ZC3H12B: variants seen among roughly 807,000 people sequenced by gnomAD.
ZC3H12B encodes the protein probable ribonuclease ZC3H12B.
In ZC3H12B, 7 loss-of-function variants were observed where a neutral mutation model predicts 43.9. The ratio of observed to expected loss-of-function variants is 0.16; its 90% CI spans 0.09 to 0.30. The LOEUF is 0.30. Among genes scored for constraint, ZC3H12B ranks in the 10% least tolerant of loss-of-function variants. The pLI, the probability that ZC3H12B is intolerant of heterozygous loss-of-function variation, is 1.00. For synonymous variants in ZC3H12B, 222 were observed against 241.7 expected, an observed-to-expected ratio of 0.92 and a Z score of 0.76; for missense variants, 475 against 670.2, an observed-to-expected ratio of 0.71 and a Z score of 3.22.
chrX:65,125,030 G>A, the ZC3H12B span, among the ~76,000 whole-genome samples: 1 of 110,181 alleles, frequency 9.1e-6, no homozygotes, highest in Non-Finnish European at 1.9e-5. Flanking sequence ...CTGGCTTTGG[G>A]TTTGGATTTT....
chrX:65,222,772 G>A, the ZC3H12B span, among the ~76,000 whole-genome samples: 1 of 110,300 alleles, frequency 9.1e-6, no homozygotes, highest in Non-Finnish European at 1.9e-5. Context: ...GCTCATGGAT[G>A]GCTAGAATCA....
chrX:65,360,465 AG>A, the ZC3H12B span, among the ~76,000 whole-genome samples: 1 of 112,505 alleles, frequency 8.9e-6, no homozygotes, highest in Non-Finnish European at 1.9e-5. Flanking sequence ...CAGTATCATT[AG>A]CTATTGGGGG....
chrX:65,501,880 C>T, exon 5 of ZC3H12B: 1 of 1,208,311 alleles, frequency 8.3e-7, no homozygotes, highest in Non-Finnish European at 1.1e-6. Context: ...AGCTCCGCAT[C>T]AGTGCCAAAC....
the ZC3H12B span, among the ~76,000 whole-genome samples, chrX:65,099,369 C>T: frequency 4.5e-5 from 5 of 111,754 alleles, no homozygotes; most frequent in Non-Finnish European, 7.5e-5. Context: ...CCACAGTGCT[C>T]AAGCTCTGCT....
the ZC3H12B span, among the ~76,000 whole-genome samples, chrX:65,345,534 G>A: frequency 1.8e-5 from 2 of 111,108 alleles, no homozygotes; most frequent in African/African-American, 3.3e-5. Flanking sequence ...AGACAGTAAG[G>A]CCTACTGGAG....
chrX:65,451,757 C>T (rs1249822467), intron 3 of ZC3H12B, among the ~76,000 whole-genome samples: 4 of 111,883 alleles, frequency 3.6e-5, no homozygotes, highest in Non-Finnish European at 1.9e-5. Flanking sequence ...GAGGGCTTCT[C>T]ACATTTTTAG....
chrX:65,220,517 C>G, the ZC3H12B span, among the ~76,000 whole-genome samples: 1 of 111,719 alleles, frequency 9.0e-6, no homozygotes, highest in African/African-American at 3.2e-5. Context: ...ATATTTTATG[C>G]AAATGGACAC....
the ZC3H12B span, among the ~76,000 whole-genome samples, chrX:65,130,503 C>A: frequency 9.3e-6 from 1 of 107,271 alleles, no homozygotes; most frequent in Non-Finnish European, 2.0e-5. Flanking sequence ...AGGGGCAAAT[C>A]CCTGAGCTTG....
At chrX:65,326,486 G>C in the ZC3H12B span, among the ~76,000 whole-genome samples, 1 of 110,258 alleles carries the variant, frequency 9.1e-6, no homozygotes, top group Non-Finnish European at 1.9e-5. Context: ...AGCAGATAAG[G>C]GGTGACCACA....
intron 3 of ZC3H12B, among the ~76,000 whole-genome samples, chrX:65,414,686 A>G (rs746787740): frequency 2.7e-5 from 3 of 111,270 alleles, no homozygotes; most frequent in Non-Finnish European, 5.6e-5. Flanking sequence ...TCAGAGACCC[A>G]GCAGAGTTGT....
At chrX:65,082,233 C>T in the ZC3H12B span, among the ~76,000 whole-genome samples, 2 of 110,391 alleles carry the variant, frequency 1.8e-5, no homozygotes, top group Admixed American at 1.9e-4. Context: ...AAGTACAAAC[C>T]AAATGCAAAA....
chrX:65,490,728 C>T lies in ZC3H12B; in HGVS notation c.608+1319C>T, dbSNP rs1487603364. ...TGTAATCCAGCCTTGGTTTAAAAAA[C>T]CCCAGTAATCAGGAGCCTTTTTCCT... On this transcript the variant is annotated intron_variant, in intron 1 of 4. Transcript: ENST00000338957. 2.7e-5 allele frequency among the ~76,000 whole-genome samples: 3 copies of T among 111,496 alleles called. No homozygotes were observed. In the East Asian group the frequency reaches 8.4e-4, roughly 31 times the overall value.
At chrX:65,467,626 C>G (rs1014360101) in intron 3 of ZC3H12B, among the ~76,000 whole-genome samples, 1 of 111,862 alleles carries the variant, frequency 8.9e-6, no homozygotes, top group African/African-American at 3.2e-5. Flanking sequence ...TGCTTTTTGA[C>G]TTTAATAATG....
the ZC3H12B span, among the ~76,000 whole-genome samples, chrX:65,211,088 GAAA>G: frequency 4.7e-5 from 3 of 63,382 alleles, no homozygotes; most frequent in Non-Finnish European, 9.2e-5. Context: ...AAAAAAGAAA[GAAA>G]AAAAAAAAAA....
intron 3 of ZC3H12B, among the ~76,000 whole-genome samples, chrX:65,467,228 T>G (rs2067836487): frequency 9.2e-6 from 1 of 108,768 alleles, no homozygotes; most frequent in South Asian, 4.1e-4. Context: ...GAGTTACTTT[T>G]CTTAGAATAA....
intron 3 of ZC3H12B, among the ~76,000 whole-genome samples, chrX:65,436,680 A>G (rs1046610674): frequency 9.0e-6 from 1 of 111,651 alleles, no homozygotes; most frequent in African/African-American, 3.3e-5. Flanking sequence ...CACTTTTTAA[A>G]AAAACTTTTG....
the ZC3H12B span, among the ~76,000 whole-genome samples, chrX:65,262,148 A>G: frequency 9.0e-6 from 1 of 111,355 alleles, no homozygotes; most frequent in Admixed American, 9.5e-5. Context: ...AACCTACTAT[A>G]TAATCAATTT....
the ZC3H12B span, among the ~76,000 whole-genome samples, chrX:65,190,795 TCTC>T: frequency 2.9e-5 from 3 of 104,947 alleles, no homozygotes; most frequent in African/African-American, 7.1e-5. Context: ...TTTATTTCCT[TCTC>T]CTGCCTAATT....
chrX:65,280,483 A>T, the ZC3H12B span, among the ~76,000 whole-genome samples: 11 of 112,162 alleles, frequency 9.8e-5, no homozygotes, highest in African/African-American at 3.2e-4. Context: ...AAGAACTAGA[A>T]CAAGACAAAG....
Sources: allele counts gnomAD v4.1 joint callset (sites outside exome capture counted in the v4.1 genomes callset), GRCh38; gene constraint gnomAD v4.1.1; transcripts MANE v1.5; gene names NCBI Gene and HGNC (gene_info 2026-07-23, HGNC 2026-07-21).